The following RIMBP2 variants were observed in gnomAD, a reference collection of about 807,000 sequenced individuals.
RIMBP2 encodes RIMS-binding protein 2.
A neutral mutation model predicts 118.6 loss-of-function variants in RIMBP2; 48 were observed. That is an observed-to-expected ratio of 0.40 (90% CI 0.32 to 0.51). The LOEUF is 0.51. RIMBP2 is among the 20% of genes least tolerant of loss of function. The probability of loss-of-function intolerance (pLI) is 0.41; values close to 1 mark genes in which losing one functional copy is unlikely to be tolerated. For missense variants in RIMBP2, 1,551 were observed against 1,768.3 expected (o/e 0.88, Z 2.20); for synonymous variants, 762 against 742.9 (o/e 1.03, Z -0.42).
At chr12:130,600,395 G>A (rs1165762412) in intron 2 of RIMBP2, among the ~76,000 whole-genome samples, 4 of 152,176 alleles carry the variant, frequency 2.6e-5, no homozygotes, top group African/African-American at 9.7e-5. Flanking sequence ...CCTCCTGCCG[G>A]AAGGATGTCA....
At chr12:130,481,208 A>AGGTGGTGAGGGCGGGG (rs1209030060) in intron 4 of RIMBP2, among the ~76,000 whole-genome samples, 91 of 151,812 alleles carry the variant, frequency 6.0e-4, no homozygotes, top group East Asian at 1.5e-3. Flanking sequence ...AGGAGGAGGC[A>AGGTGGTGAGGGCGGGG]GACAGGCTGA....
chr12:130,506,972 A>G (rs1012273434), intron 3 of RIMBP2, among the ~76,000 whole-genome samples: 15 of 152,066 alleles, frequency 9.9e-5, no homozygotes, highest in Non-Finnish European at 2.1e-4. Flanking sequence ...GACGACCTCC[A>G]TCTTCCTCCC....
At chr12:130,590,143 G>A (rs557530082) in intron 2 of RIMBP2, among the ~76,000 whole-genome samples, 9 of 152,262 alleles carry the variant, frequency 5.9e-5, no homozygotes, top group African/African-American at 1.9e-4. Context: ...CCACACCCAC[G>A]GGGAAAGGCA....
At chr12:130,590,044 T>G (rs2059157269) in intron 2 of RIMBP2, among the ~76,000 whole-genome samples, 1 of 152,296 alleles carries the variant, frequency 6.6e-6, no homozygotes, top group South Asian at 2.1e-4. Flanking sequence ...GACTCTCAGA[T>G]ACAAATCTAC....
chr12:130,590,711 A>G (rs1349137463), intron 2 of RIMBP2, among the ~76,000 whole-genome samples: 1 of 152,238 alleles, frequency 6.6e-6, no homozygotes, highest in Non-Finnish European at 1.5e-5. Context: ...AGGAGCAACC[A>G]GACCTCCCCG....
chr12:130,710,124 A>G lies in RIMBP2; in HGVS notation c.-352+6098T>C, dbSNP rs1374771543. ...CAGCCCCTGTGGTCCCAGCTGCTCCAAAAACACCCAAGGAGCAATTTCTGC... is the reference window on the plus strand; with the variant it reads ...CAGCCCCTGTGGTCCCAGCTGCTCCGAAAACACCCAAGGAGCAATTTCTGC... On this transcript the variant is annotated intron_variant, in intron 1 of 22. Transcript: ENST00000690449. The surrounding 1 kb of genome is among the most constrained non-coding windows in gnomAD (Gnocchi z 4.3). Among the ~76,000 whole-genome samples, 5 of 152,150 alleles carry G rather than the reference A, an allele frequency of 3.3e-5. No homozygotes were observed. The highest frequency in any genetic ancestry group is 1.2e-4 in the African/African-American group (5 of 41,440).
intron 2 of RIMBP2, among the ~76,000 whole-genome samples, chr12:130,612,736 C>T (rs892137224): frequency 2.6e-5 from 4 of 152,196 alleles, no homozygotes; most frequent in Non-Finnish European, 2.9e-5. Flanking sequence ...GTAACCAAAC[C>T]GTGTGGACAT....
At chr12:130,579,771 C>T (rs532970795) in intron 2 of RIMBP2, among the ~76,000 whole-genome samples, 1 of 151,994 alleles carries the variant, frequency 6.6e-6, no homozygotes, top group South Asian at 2.1e-4. Context: ...CAGCAATGGT[C>T]GTGTTCACCA....
chr12:130,463,760 C>T (rs2080214111), intron 6 of RIMBP2, among the ~76,000 whole-genome samples: 1 of 152,092 alleles, frequency 6.6e-6, no homozygotes, highest in East Asian at 1.9e-4. Context: ...CTGAGACCTA[C>T]TGGGCTGCGT....
rs146758602 is a variant in RIMBP2 at position 130,585,504 on chromosome 12, C to T, written c.-217+42818G>A. 5.6e-3 allele frequency among the ~76,000 whole-genome samples: 840 copies of T among 151,010 alleles called. 3 individuals are homozygous for T. Among genetic ancestry groups the T allele is most frequent in the Middle Eastern group, 0.024 (7 of 286 alleles). On this transcript the variant is annotated intron_variant, in intron 2 of 22. Transcript: ENST00000690449. ...ATATGTGCCTGTAGTCCCAGCTACT[C>T]GGGAGGCTGAGGTGGGAGAACTGCT...
chr12:130,600,414 A>G (rs1206574330), intron 2 of RIMBP2, among the ~76,000 whole-genome samples: 1 of 152,110 alleles, frequency 6.6e-6, no homozygotes, highest in Non-Finnish European at 1.5e-5. Flanking sequence ...CAGCCCCAAC[A>G]GAACCTCCCC....
rs1373060912 is a variant in RIMBP2 at position 130,710,708 on chromosome 12, GC to G, written c.-352+5513del. Among the ~76,000 whole-genome samples the G allele has an allele frequency of 1.3e-5, 2 of 152,306 alleles. No homozygotes were observed. The highest frequency in any genetic ancestry group is 2.1e-4 in the South Asian group (1 of 4,824). On this transcript the variant is annotated intron_variant, in intron 1 of 22. Coordinates refer to ENST00000690449, the MANE Select transcript of RIMBP2 (RefSeq NM_001393629.1). The surrounding 1 kb of genome is among the most constrained non-coding windows in gnomAD (Gnocchi z 4.3). ...TCCACACAGCTAGGCCAAGGAGAGA[GC>G]CCCCCTCATCTCCCACACTGGGTCT...
Position 130,442,211 on chromosome 12 carries a change from A to G in RIMBP2, c.1141T>C (p.Tyr381His). Residue 381 changes from tyrosine (Y) to histidine (H), a missense_variant, in exon 11 of 23, where the codon TAC (tyrosine) becomes CAC (histidine). Around this residue, in one of 5 missense-constraint regions of RIMBP2, gnomAD observed 265 missense variants for 349.5 expected, o/e 0.76. Coordinates refer to ENST00000690449, the MANE Select transcript of RIMBP2 (RefSeq NM_001393629.1). The surrounding 1 kb of genome is among the most constrained non-coding windows in gnomAD (Gnocchi z 6.9). Reference sequence around the variant, plus strand: ...GTGACGCACTGCACGGAGATGCGGTAGGTGCAGGCTGCCATGTTGAGCTTC... The same window carrying G: ...GTGACGCACTGCACGGAGATGCGGTGGGTGCAGGCTGCCATGTTGAGCTTC... ...IEKLNMAACT[Y>H]RISVQCVTSR... 6.2e-7 allele frequency: 1 copy of G among 1,614,198 alleles called. No homozygotes were observed. Among genetic ancestry groups the G allele is most frequent in the Non-Finnish European group, 8.5e-7 (1 of 1,180,044 alleles).
chr12:130,466,062 C>T (rs1266076635), intron 6 of RIMBP2: 2 of 152,208 alleles, frequency 1.3e-5, no homozygotes, highest in Non-Finnish European at 2.9e-5. Flanking sequence ...TGGTTTCCCC[C>T]AGACATGAAG....
chr12:130,567,858 C>T (rs1232639763), intron 2 of RIMBP2, among the ~76,000 whole-genome samples: 1 of 152,156 alleles, frequency 6.6e-6, no homozygotes, highest in African/African-American at 2.4e-5. Flanking sequence ...AGGGAATTCT[C>T]TCTGTGGAAA....
chr12:130,678,220 C>T (rs1447062897), intron 1 of RIMBP2, among the ~76,000 whole-genome samples: 7 of 152,228 alleles, frequency 4.6e-5, no homozygotes, highest in Non-Finnish European at 1.0e-4. Flanking sequence ...TGGTGCCACC[C>T]ACACTCTCTA....
intron 2 of RIMBP2, among the ~76,000 whole-genome samples, chr12:130,545,284 G>A (rs573070241): frequency 2.0e-4 from 30 of 152,166 alleles, no homozygotes; most frequent in Non-Finnish European, 3.2e-4. Flanking sequence ...GGCAGCGGCC[G>A]CTGGTGACCT....
chr12:130,609,140 C>T (rs1216545833), intron 2 of RIMBP2, among the ~76,000 whole-genome samples: 1 of 152,148 alleles, frequency 6.6e-6, no homozygotes, highest in Non-Finnish European at 1.5e-5. Flanking sequence ...TGGCCACGAG[C>T]CCACTATGTC....
At chr12:130,641,586 T>G (rs924087127) in intron 1 of RIMBP2, among the ~76,000 whole-genome samples, 1 of 152,236 alleles carries the variant, frequency 6.6e-6, no homozygotes, top group Non-Finnish European at 1.5e-5. Flanking sequence ...TCAATTCTTC[T>G]CTGCTAATCA....
Sources: allele counts gnomAD v4.1 joint callset (sites outside exome capture counted in the v4.1 genomes callset), GRCh38; gene constraint gnomAD v4.1.1; regional missense constraint gnomAD v4.1.1; non-coding constraint Gnocchi (gnomAD v3.1); transcripts MANE v1.5; gene names NCBI Gene and HGNC (gene_info 2026-07-23, HGNC 2026-07-21).